CUBN: variants seen among roughly 807,000 people sequenced by gnomAD.
CUBN encodes cubilin, also known as 460 kDa receptor.
In CUBN, 282 loss-of-function variants were observed where a neutral mutation model predicts 405.3. That is an observed-to-expected ratio of 0.70 (90% CI 0.63 to 0.77). CUBN has a LOEUF of 0.77. CUBN is among the 30% of genes least tolerant of loss of function. CUBN has a pLI of 0.00. For missense variants in CUBN, 4,514 were observed against 4,475.2 expected (o/e 1.01, Z -0.25); for synonymous variants, 1,684 against 1,617.0 (o/e 1.04, Z -0.99).
At chr10:16,959,053 T>G (rs74116782) in intron 31 of CUBN, among the ~76,000 whole-genome samples, 3,234 of 152,184 alleles carry the variant, frequency 0.021, 127 homozygotes, top group African/African-American at 0.075. Context: ...TTGCAAGCCC[T>G]TTTTATAGCA....
At chr10:17,129,314 CAA>C (rs1162847840) in intron 1 of CUBN, 64 bp from the exon 2 acceptor site, 14 of 1,568,518 alleles carry the variant, frequency 8.9e-6, no homozygotes, top group East Asian at 6.7e-5. Flanking sequence ...ACCAAAATAA[CAA>C]AGTTTCTTAC....
At chr10:17,096,987 C>A (rs1157207183) in intron 14 of CUBN, among the ~76,000 whole-genome samples, 1 of 152,008 alleles carries the variant, frequency 6.6e-6, no homozygotes, top group Non-Finnish European at 1.5e-5. Context: ...ATTAGAAATT[C>A]TAAGAAGTTC....
Position 17,104,064 on chromosome 10 carries a change from T to C in CUBN, c.1417+355A>G, listed in dbSNP as rs74591036. On this transcript the variant is annotated intron_variant, in intron 12 of 66. Transcript: ENST00000377833. ...CACTGTGTATCCTGGAAAGGGAGAG[T>C]GACTTGATTCAATGCAGTACTCTAG... Among the ~76,000 whole-genome samples, 66 of 151,848 alleles carry C rather than the reference T, an allele frequency of 4.3e-4. 1 individual carries two copies. Among genetic ancestry groups the C allele is most frequent in the South Asian group, 1.9e-3 (9 of 4,786 alleles).
At chr10:16,989,627 G>A (rs977854339) in intron 29 of CUBN, among the ~76,000 whole-genome samples, 8 of 151,110 alleles carry the variant, frequency 5.3e-5, no homozygotes, top group Non-Finnish European at 1.2e-4. Context: ...CTAAATTCCT[G>A]CAATTAAACA....
At chr10:16,952,234 T>G (rs1182488721) in intron 33 of CUBN, 42 bp downstream of exon 33, 1 of 1,423,828 alleles carries the variant, frequency 7.0e-7, no homozygotes, top group Non-Finnish European at 9.9e-7. Flanking sequence ...CACAGACACC[T>G]TCTCTCCTGT....
At chr10:16,853,701 C>T (rs1309982982) in intron 59 of CUBN, among the ~76,000 whole-genome samples, 1 of 152,166 alleles carries the variant, frequency 6.6e-6, no homozygotes, top group Non-Finnish European at 1.5e-5. Flanking sequence ...GTAAGCAATA[C>T]GCAGTGCTTC....
intron 60 of CUBN, among the ~76,000 whole-genome samples, chr10:16,846,465 A>T (rs1223011245): frequency 6.6e-6 from 1 of 152,088 alleles, no homozygotes; most frequent in East Asian, 1.9e-4. Context: ...AAATTACATT[A>T]TGGGTAGGTT....
intron 23 of CUBN, among the ~76,000 whole-genome samples, 160 bp from the exon 24 acceptor site, chr10:17,046,254 T>C (rs945702968): frequency 6.6e-6 from 1 of 152,178 alleles, no homozygotes; most frequent in African/African-American, 2.4e-5. Flanking sequence ...CGATTTTCAC[T>C]TTTAAATTTT....
chr10:16,930,917 C>A (rs1484069839), intron 40 of CUBN, among the ~76,000 whole-genome samples: 1 of 152,150 alleles, frequency 6.6e-6, no homozygotes, highest in East Asian at 1.9e-4. Flanking sequence ...TACTCAGAAG[C>A]AAAAGGCTGG....
chr10:17,124,668 TC>T (rs1837131082), intron 4 of CUBN, among the ~76,000 whole-genome samples: 2 of 152,076 alleles, frequency 1.3e-5, no homozygotes, highest in Non-Finnish European at 2.9e-5. Context: ...GACCTCGTGA[TC>T]CGCCCGCCTC....
intron 60 of CUBN, 26 bp downstream of exon 60, chr10:16,851,209 C>A: frequency 1.3e-6 from 2 of 1,564,916 alleles, no homozygotes; most frequent in Non-Finnish European, 1.8e-6. Context: ...TGAATAGACT[C>A]TGTTAAAAAA....
At chr10:16,893,916 AT>A (rs1360228667) in intron 54 of CUBN, among the ~76,000 whole-genome samples, 1 of 152,156 alleles carries the variant, frequency 6.6e-6, no homozygotes. Context: ...ATTGGTAAAT[AT>A]TTGTCTTCGA....
intron 28 of CUBN, among the ~76,000 whole-genome samples, chr10:16,997,211 C>T (rs113416420): frequency 0.022 from 3,376 of 152,044 alleles, 41 homozygotes; most frequent in Non-Finnish European, 0.031. Context: ...AAAGGCAGGC[C>T]GATCACAAGG....
At position 17,126,834 on chromosome 10, in the gene CUBN, G is replaced by T. The variant is rs1837202661; in HGVS notation, c.349-35C>A. On this transcript the variant is annotated intron_variant, in intron 3 of 66. Transcript: ENST00000377833. The stretch of plus-strand genomic sequence containing the variant: ...GGGAAGAAAAAGCTTCAGTTAGCTG[G>T]TTCAAAGGCATTGCACATGTGATGT... 4 of 1,611,542 alleles carry T rather than the reference G, an allele frequency of 2.5e-6. No homozygotes were observed. The South Asian group carries it at 3.3e-5, about 13-fold the overall frequency.
At chr10:17,047,378 T>C (rs769014589) in intron 23 of CUBN, 36 bp downstream of exon 23, 1 of 1,479,388 alleles carries the variant, frequency 6.8e-7, no homozygotes, top group East Asian at 2.4e-5. Context: ...GAATAAATAA[T>C]GAAAAGATTA....
rs1191646737 is a variant in CUBN at position 17,129,641 on chromosome 10, T to C, written c.122+3A>G. 2 of 1,614,080 alleles carry C rather than the reference T, an allele frequency of 1.2e-6. No homozygotes were observed. Among genetic ancestry groups the C allele is most frequent in the African/African-American group, 2.7e-5 (2 of 74,938 alleles). On this transcript the variant is annotated splice_donor_region_variant and intron_variant, in intron 1 of 66. Transcript: ENST00000377833. ...AGCAGGAATGACCCATGTGTTTACT[T>C]ACTGTTGGAGATTGATGCTTCTTTT...
At chr10:17,059,842 T>C (rs1280868760) in intron 22 of CUBN, among the ~76,000 whole-genome samples, 2 of 152,202 alleles carry the variant, frequency 1.3e-5, no homozygotes, top group South Asian at 2.1e-4. Context: ...TGTAAAATTG[T>C]CCTTGGATAT....
At chr10:17,058,808 A>C (rs2131835161) in intron 22 of CUBN, among the ~76,000 whole-genome samples, 1 of 152,198 alleles carries the variant, frequency 6.6e-6, no homozygotes, top group Admixed American at 6.5e-5. Context: ...CAAATGATTA[A>C]ATTAGAATGT....
At chr10:16,876,581 A>G (rs560516174) in intron 57 of CUBN, among the ~76,000 whole-genome samples, 1 of 152,322 alleles carries the variant, frequency 6.6e-6, no homozygotes, top group East Asian at 1.9e-4. Context: ...GATAATTTGG[A>G]CCAACAGGCA....
Sources: gnomAD v4.1 joint callset for allele counts (sites outside exome capture counted in the v4.1 genomes callset) on GRCh38, gnomAD v4.1.1 for gene constraint, MANE v1.5 for transcripts, NCBI Gene and HGNC (gene_info 2026-07-23, HGNC 2026-07-21) for gene names.